RSPO2: variants seen among roughly 807,000 people sequenced by gnomAD.
RSPO2 encodes the protein R-spondin 2.
In RSPO2, 14 loss-of-function variants were observed where a neutral mutation model predicts 30.9. That is an observed-to-expected ratio of 0.45 (90% CI 0.30 to 0.71). RSPO2 has a LOEUF of 0.71. Ranked by LOEUF, RSPO2 falls within the 30% of genes least tolerant of loss-of-function variation. The pLI is 0.08. For missense variants in RSPO2, 264 were observed against 301.9 expected (o/e 0.87, Z 0.93); for synonymous variants, 107 against 96.4 (o/e 1.11, Z -0.64).
chr8:107,982,250 T>C (rs1291402100), intron 3 of RSPO2, among the ~76,000 whole-genome samples: 1 of 152,186 alleles, frequency 6.6e-6, no homozygotes, highest in African/African-American at 2.4e-5. Context: ...AGTATATTGT[T>C]TTCTTATACA....
chr8:107,949,671 G>A (rs1307920499), intron 5 of RSPO2, among the ~76,000 whole-genome samples: 3 of 152,128 alleles, frequency 2.0e-5, no homozygotes, highest in Non-Finnish European at 4.4e-5. Flanking sequence ...AGAAATAAGA[G>A]GTAGACATGG....
chr8:107,973,597 G>A (rs887244535), intron 3 of RSPO2, among the ~76,000 whole-genome samples: 3 of 151,494 alleles, frequency 2.0e-5, no homozygotes, highest in Non-Finnish European at 4.4e-5. Context: ...ACTGCCTCCC[G>A]TTGTTCTAAA....
intron 2 of RSPO2, among the ~76,000 whole-genome samples, chr8:108,004,400 T>C (rs969837101): frequency 6.6e-6 from 1 of 152,214 alleles, no homozygotes; most frequent in African/African-American, 2.4e-5. Context: ...GATCCTGCCC[T>C]GGCTAAGGGG....
rs537162748 is a variant in RSPO2 at position 108,038,051 on chromosome 8, A to G, written c.94+44494T>C. On this transcript the variant is annotated intron_variant, in intron 2 of 5. Transcript: ENST00000276659. ...TTTCATAAGGCTACAGCTGCCATAT[A>G]TAGTGATTCCTCTAATGAATCTGGG... Among the ~76,000 whole-genome samples the G allele has an allele frequency of 3.9e-5, 6 of 152,332 alleles. 1 individual carries two copies. The highest frequency in any genetic ancestry group is 2.6e-4 in the Admixed American group (4 of 15,298).
intron 3 of RSPO2, among the ~76,000 whole-genome samples, chr8:107,982,695 G>A (rs957987572): frequency 3.3e-5 from 5 of 151,946 alleles, no homozygotes; most frequent in South Asian, 2.1e-4. Context: ...TCAGAATAGC[G>A]ACCCAACAAA....
At chr8:108,057,402 T>C (rs911580036) in intron 2 of RSPO2, among the ~76,000 whole-genome samples, 3 of 152,178 alleles carry the variant, frequency 2.0e-5, no homozygotes, top group African/African-American at 7.2e-5. Flanking sequence ...TTCTCTATTT[T>C]TCAAATTGCC....
intron 3 of RSPO2, chr8:107,983,380 A>G: frequency 6.2e-7 from 1 of 1,608,126 alleles, no homozygotes. Flanking sequence ...AGCCCAGCAG[A>G]ACACAGACAA....
chr8:108,019,149 A>T (rs1048159465), intron 2 of RSPO2, among the ~76,000 whole-genome samples: 17 of 152,146 alleles, frequency 1.1e-4, no homozygotes, highest in South Asian at 2.1e-4. Flanking sequence ...TTATTTTTTT[A>T]AAAAAACACG....
intron 2 of RSPO2, among the ~76,000 whole-genome samples, chr8:107,991,669 A>C (rs1251638847): frequency 6.6e-6 from 1 of 152,208 alleles, no homozygotes; most frequent in Non-Finnish European, 1.5e-5. Context: ...TCTAATATTT[A>C]GCATCTATAA....
intron 2 of RSPO2, among the ~76,000 whole-genome samples, chr8:108,056,253 C>G (rs2130690211): frequency 6.6e-6 from 1 of 152,200 alleles, no homozygotes; most frequent in South Asian, 2.1e-4. Context: ...GTCTTATGCT[C>G]CACAGATGCT....
intron 5 of RSPO2, among the ~76,000 whole-genome samples, chr8:107,935,204 G>A (rs927986063): frequency 6.6e-6 from 1 of 152,146 alleles, no homozygotes; most frequent in Non-Finnish European, 1.5e-5. Context: ...CCCATGGGGA[G>A]ATCTTGCACT....
In RSPO2 at chr8:107,983,915, GA is replaced by G. The variant is rs944459941; in HGVS notation, c.283+5140del. 2.2e-4 allele frequency: 274 copies of G among 1,251,438 alleles called. 1 individual carries two copies. The South Asian group carries it at 3.3e-3, about 15-fold the overall frequency. 77.5% of individuals were successfully genotyped at this position (1,251,438 alleles called of 1,614,324 possible). ...TCCGCCCTTGGATTTTCCATCTACAGAACTTCCTCTTATGGAGCTCTCTGAG... is the reference window on the plus strand; with the variant it reads ...TCCGCCCTTGGATTTTCCATCTACAGACTTCCTCTTATGGAGCTCTCTGAG... On this transcript the variant is annotated intron_variant, in intron 3 of 5. Transcript: ENST00000276659.
In RSPO2 at chr8:108,064,340, A is replaced by G. The variant is rs192675764; in HGVS notation, c.94+18205T>C. On this transcript the variant is annotated intron_variant, in intron 2 of 5. Coordinates refer to ENST00000276659, the MANE Select transcript of RSPO2 (RefSeq NM_178565.5). ...AAAACAAATTTACAAGAAAAAAACA[A>G]CCCCATCCAAAAGTGGGCAAAGGAT... Among the ~76,000 whole-genome samples the G allele has an allele frequency of 3.1e-3, 466 of 152,274 alleles. 1 individual carries two copies. The highest frequency in any genetic ancestry group is 8.9e-3 in the African/African-American group (370 of 41,566).
chr8:108,050,405 C>T (rs1383338214), intron 2 of RSPO2, among the ~76,000 whole-genome samples: 1 of 151,932 alleles, frequency 6.6e-6, no homozygotes, highest in Non-Finnish European at 1.5e-5. Flanking sequence ...TAGGATCATT[C>T]TAAATATCTA....
intron 5 of RSPO2, among the ~76,000 whole-genome samples, chr8:107,919,955 G>T (rs1812100418): frequency 1.3e-5 from 2 of 152,074 alleles, no homozygotes; most frequent in Non-Finnish European, 2.9e-5. Flanking sequence ...ATTTTTCACT[G>T]AACAGCAAAG....
intron 2 of RSPO2, among the ~76,000 whole-genome samples, chr8:108,037,574 T>C (rs1035661175): frequency 6.6e-6 from 1 of 152,160 alleles, no homozygotes; most frequent in Non-Finnish European, 1.5e-5. Context: ...AAAACAGATT[T>C]TTAAATGTAG....
At chr8:107,979,473 T>C (rs924318375) in intron 3 of RSPO2, among the ~76,000 whole-genome samples, 1 of 152,080 alleles carries the variant, frequency 6.6e-6, no homozygotes, top group Admixed American at 6.6e-5. Context: ...TAGGTGGGAA[T>C]TGAACAATGA....
chr8:108,064,740 A>G (rs144983231), intron 2 of RSPO2, among the ~76,000 whole-genome samples: 25,095 of 152,216 alleles, frequency 0.16, 2,689 homozygotes, highest in East Asian at 0.42. Flanking sequence ...TTATTGGGGC[A>G]CTATTCACAA....
rs150644840 is a variant in RSPO2, at chr8:107,988,784, T to C, written c.283+272A>G. On this transcript the variant is annotated intron_variant, in intron 3 of 5. Transcript: ENST00000276659. Reference sequence around the variant, plus strand: ...CTGGGATTACAGGTGTGCACCACCATGCCTGGCTAATTTTTGTATTTTTAG... The same window carrying C: ...CTGGGATTACAGGTGTGCACCACCACGCCTGGCTAATTTTTGTATTTTTAG... 9.9e-3 allele frequency among the ~76,000 whole-genome samples: 1,513 copies of C among 152,100 alleles called. 23 individuals carry two copies. Among genetic ancestry groups the C allele is most frequent in the African/African-American group, 0.033 (1,360 of 41,508 alleles).
Sources: allele counts gnomAD v4.1 joint callset (sites outside exome capture counted in the v4.1 genomes callset), GRCh38; gene constraint gnomAD v4.1.1; transcripts MANE v1.5; gene names NCBI Gene and HGNC (gene_info 2026-07-23, HGNC 2026-07-21).